Variants in CGNL1 observed in about 807,000 individuals in gnomAD.
The protein encoded by CGNL1 is cingulin like 1.
In CGNL1, 132 loss-of-function variants were observed where a neutral mutation model predicts 141.2. The observed-to-expected ratio is 0.93, with a 90% confidence interval of 0.81 to 1.08. CGNL1 has a LOEUF of 1.08. CGNL1 is among the 50% of genes least tolerant of loss of function. CGNL1 has a pLI of 0.00. For missense variants in CGNL1, 1,870 were observed against 1,588.6 expected, an observed-to-expected ratio of 1.18 and a Z score of -3.01; for synonymous variants, 690 against 622.1, an observed-to-expected ratio of 1.11 and a Z score of -1.63.
intron 8 of CGNL1, 88 bp from the exon 9 acceptor site, chr15:57,516,692 G>A: frequency 7.1e-7 from 1 of 1,414,812 alleles, no homozygotes; most frequent in African/African-American, 1.4e-5. Flanking sequence ...GGCACAATGG[G>A]TTTTTCATAA....
At position 57,493,169 on chromosome 15, in the gene CGNL1, T is replaced by G. The variant is rs574992210; in HGVS notation, c.2404-23611T>G. ...GATTTCAAATTTGCAGTGAAGTTAA[T>G]GCTGGTAAAGTTGAATCATATTGAT... On this transcript the variant is annotated intron_variant, in intron 8 of 18. Transcript: ENST00000281282. Among the ~76,000 whole-genome samples the G allele has an allele frequency of 9.2e-5, 14 of 152,368 alleles. No homozygotes were observed. In the South Asian group the frequency reaches 2.5e-3, roughly 27 times the overall value.
At chr15:57,413,947 G>A (rs1595678123) in intron 1 of CGNL1, among the ~76,000 whole-genome samples, 1 of 152,184 alleles carries the variant, frequency 6.6e-6, no homozygotes, top group East Asian at 1.9e-4. Flanking sequence ...AAGTTGTGTT[G>A]TAGTACCCGG....
intron 1 of CGNL1, among the ~76,000 whole-genome samples, chr15:57,411,768 T>C (rs1164173801): frequency 6.6e-6 from 1 of 151,982 alleles, no homozygotes. Flanking sequence ...TTTTTTTTTT[T>C]CTTCCCCAAT....
intron 1 of CGNL1, among the ~76,000 whole-genome samples, chr15:57,424,517 T>C (rs12915120): frequency 0.27 from 41,550 of 152,104 alleles, 5,723 homozygotes; most frequent in East Asian, 0.35. Context: ...TAAGAACTTG[T>C]TAGTAATTAC....
At chr15:57,523,723 C>G in intron 11 of CGNL1, 82 bp downstream of exon 11, 1 of 1,473,166 alleles carries the variant, frequency 6.8e-7, no homozygotes, top group Non-Finnish European at 9.3e-7. Flanking sequence ...TGGTGAAAGC[C>G]TGGGAAACCT....
intron 1 of CGNL1, among the ~76,000 whole-genome samples, chr15:57,382,133 G>A (rs2062431752): frequency 6.6e-6 from 1 of 152,102 alleles, no homozygotes; most frequent in South Asian, 2.1e-4. Flanking sequence ...TGGTACTCGC[G>A]ACAAAAACAA....
At chr15:57,410,028 C>G (rs1298039845) in intron 1 of CGNL1, among the ~76,000 whole-genome samples, 1 of 152,216 alleles carries the variant, frequency 6.6e-6, no homozygotes, top group East Asian at 1.9e-4. Flanking sequence ...CCAGAAGGTA[C>G]TTCAGCTGAG....
chr15:57,523,782 G>A (rs1367193061), intron 11 of CGNL1, 141 bp downstream of exon 11: 1 of 821,558 alleles, frequency 1.2e-6, no homozygotes, highest in Non-Finnish European at 1.9e-6. Context: ...ATCCCAAGAG[G>A]CAGCTCTTTG....
chr15:57,421,723 G>C (rs1348801460), intron 1 of CGNL1, among the ~76,000 whole-genome samples: 3 of 152,046 alleles, frequency 2.0e-5, no homozygotes, highest in Non-Finnish European at 4.4e-5. Context: ...AGTGGCCCTG[G>C]ATCTGGGTCC....
intron 4 of CGNL1, among the ~76,000 whole-genome samples, chr15:57,450,317 C>A (rs192403971): frequency 2.6e-5 from 4 of 152,172 alleles, no homozygotes; most frequent in Non-Finnish European, 5.9e-5. Context: ...TGCCCTGTCA[C>A]CCAGTCTGGA....
At chr15:57,465,860 G>A (rs1239575945) in intron 8 of CGNL1, among the ~76,000 whole-genome samples, 1 of 152,122 alleles carries the variant, frequency 6.6e-6, no homozygotes, top group African/African-American at 2.4e-5. Flanking sequence ...TACGTTACTA[G>A]AACATTTGGT....
chr15:57,464,981 G>A (rs1425860813), intron 8 of CGNL1, among the ~76,000 whole-genome samples: 2 of 151,930 alleles, frequency 1.3e-5, no homozygotes, highest in Non-Finnish European at 1.5e-5. Flanking sequence ...CGAACACCTG[G>A]CCTCAAGTGA....
intron 1 of CGNL1, among the ~76,000 whole-genome samples, chr15:57,384,672 A>G (rs1664463): frequency 6.6e-6 from 1 of 152,206 alleles, no homozygotes; most frequent in African/African-American, 2.4e-5. Flanking sequence ...CATAAACTTT[A>G]TTTTCTTTCT....
At chr15:57,428,884 G>A (rs1299500955) in intron 1 of CGNL1, among the ~76,000 whole-genome samples, 1 of 152,048 alleles carries the variant, frequency 6.6e-6, no homozygotes. Flanking sequence ...TTAGCTGGGT[G>A]TGGCGACATG....
chr15:57,531,734 C>A lies in CGNL1; in HGVS notation c.3246C>A (p.Asn1082Lys), dbSNP rs754680119. ...QLEMELEEER[N>K]NSDLLSERIS... ...AGATGGAACTGGAAGAAGAGAGAAA[C>A]AACTCAGATTTGCTGTCTGAGAGGA... Residue 1082 changes from asparagine to lysine, a missense_variant, in exon 14 of 19, where the codon AAC becomes AAA. Physicochemically the swap from Asn to Lys is moderately conservative, Grantham distance 94. Transcript: ENST00000281282. 6.2e-7 allele frequency: 1 copy of A among 1,613,214 alleles called. No homozygotes were observed. Among genetic ancestry groups the A allele is most frequent in the South Asian group, 1.1e-5 (1 of 91,044 alleles).
chr15:57,483,946 C>G (rs1218824743), intron 8 of CGNL1, among the ~76,000 whole-genome samples: 1 of 152,204 alleles, frequency 6.6e-6, no homozygotes, highest in Non-Finnish European at 1.5e-5. Context: ...ATAAACTTCA[C>G]TTGATCCTAC....
At chr15:57,450,400 C>G (rs1466349463) in intron 4 of CGNL1, among the ~76,000 whole-genome samples, 1 of 152,162 alleles carries the variant, frequency 6.6e-6, no homozygotes, top group African/African-American at 2.4e-5. Context: ...CCTCAGCCTC[C>G]TGAGTAGCTG....
intron 1 of CGNL1, among the ~76,000 whole-genome samples, chr15:57,417,839 G>A (rs2062866567): frequency 6.6e-6 from 1 of 152,198 alleles, no homozygotes; most frequent in South Asian, 2.1e-4. Context: ...TGCTGTGAAG[G>A]AGAGGTGATG....
At chr15:57,479,212 T>G (rs1418899500) in intron 8 of CGNL1, among the ~76,000 whole-genome samples, 5 of 152,084 alleles carry the variant, frequency 3.3e-5, no homozygotes, top group Admixed American at 1.3e-4. Context: ...TGCATGTACT[T>G]TTGGAGAAGG....
Sources: allele counts gnomAD v4.1 joint callset (sites outside exome capture counted in the v4.1 genomes callset), GRCh38; gene constraint gnomAD v4.1.1; transcripts MANE v1.5; gene names NCBI Gene and HGNC (gene_info 2026-07-23, HGNC 2026-07-21).